Variants in PSTPIP1 observed in about 807,000 individuals in gnomAD.
PSTPIP1 encodes the protein proline-serine-threonine phosphatase interacting protein 1.
PSTPIP1 carries 66 observed loss-of-function variants against 69.6 expected under a neutral mutation model. That is an observed-to-expected ratio of 0.95 (90% CI 0.78 to 1.16). The LOEUF is 1.16. Among genes scored for constraint, PSTPIP1 ranks in the 50% most tolerant of loss-of-function variants. PSTPIP1 has a pLI of 0.00. For synonymous variants in PSTPIP1, 266 were observed against 222.7 expected, an observed-to-expected ratio of 1.19 and a Z score of -1.73; for missense variants, 603 against 557.4, an observed-to-expected ratio of 1.08 and a Z score of -0.82.
chr15:77,009,049 T>G (rs774196031), intron 1 of PSTPIP1, among the ~76,000 whole-genome samples: 13 of 152,148 alleles, frequency 8.5e-5, no homozygotes, highest in African/African-American at 1.2e-4. Flanking sequence ...TGAGCCTTGG[T>G]TCCTTGTTTG....
chr15:77,029,607 G>A, intron 8 of PSTPIP1, 33 bp downstream of exon 8: 2 of 1,555,732 alleles, frequency 1.3e-6, no homozygotes, highest in African/African-American at 2.7e-5. Flanking sequence ...TCCGACCAGG[G>A]CGGAGGCCTG....
intron 13 of PSTPIP1, 86 bp downstream of exon 13, chr15:77,035,649 A>G: frequency 6.7e-7 from 1 of 1,487,446 alleles, no homozygotes; most frequent in South Asian, 1.2e-5. Context: ...GGGGCCACTG[A>G]GGCCCTCAAG....
rs1448128361 is a variant in PSTPIP1 at position 76,995,198 on chromosome 15, C to T, written c.-376C>T. The T allele has an allele frequency of 1.7e-6, 2 of 1,207,502 alleles. No homozygotes were observed. Among genetic ancestry groups the T allele is most frequent in the East Asian group, 5.0e-5 (1 of 19,952 alleles). 74.8% of individuals were successfully genotyped at this position (1,207,502 alleles called of 1,614,324 possible). On this transcript the variant is annotated 5_prime_UTR_variant, in exon 1 of 15. Coordinates refer to ENST00000558012, the MANE Select transcript of PSTPIP1 (RefSeq NM_003978.5). ...GCCCGGCCCGAGCTCCAGCCTGCCTCTTCCACTGGCCACTGCCTCCCACCC... is the reference window on the plus strand; with the variant it reads ...GCCCGGCCCGAGCTCCAGCCTGCCTTTTCCACTGGCCACTGCCTCCCACCC...
chr15:77,002,548 T>G (rs187002966), intron 1 of PSTPIP1, among the ~76,000 whole-genome samples: 1 of 152,214 alleles, frequency 6.6e-6, no homozygotes, highest in Admixed American at 6.5e-5. Context: ...ACATGCTCGG[T>G]GCATATTTTG....
rs940209466 is a variant in PSTPIP1 at position 76,995,383 on chromosome 15, T to C, written c.-191T>C. The C allele has an allele frequency of 6.9e-7, 1 of 1,442,686 alleles. No individual in the cohort carries two copies. Among genetic ancestry groups the C allele is most frequent in the African/African-American group, 1.4e-5 (1 of 69,800 alleles). 89.4% of individuals were successfully genotyped at this position (1,442,686 alleles called of 1,614,324 possible). A position where few individuals can be genotyped will look rare whatever the true frequency, so the allele number is the denominator to read the frequency against. Reference sequence around the variant, plus strand: ...TGATTCTAGCCCCAAACAAAACAGGTTGAGCTTTTTCCTCCCCTCAGAAGC... The same window carrying C: ...TGATTCTAGCCCCAAACAAAACAGGCTGAGCTTTTTCCTCCCCTCAGAAGC... On this transcript the variant is annotated 5_prime_UTR_variant, in exon 1 of 15. Coordinates refer to ENST00000558012, the MANE Select transcript of PSTPIP1 (RefSeq NM_003978.5).
At chr15:77,028,434 C>A (rs1214824854) in intron 6 of PSTPIP1, 120 bp from the exon 7 acceptor site, 2 of 779,372 alleles carry the variant, frequency 2.6e-6, no homozygotes, top group East Asian at 5.8e-5. Flanking sequence ...GTGAGGATGC[C>A]CCCACTCCAC....
Position 77,035,526 on chromosome 15 carries a change from C to A in PSTPIP1, c.948C>A (p.His316Gln). 1 of 1,592,670 alleles carries A rather than the reference C, an allele frequency of 6.3e-7. No homozygotes were observed. The highest frequency in any genetic ancestry group is 8.5e-7 in the Non-Finnish European group (1 of 1,170,058). Residue 316 changes from histidine to glutamine, a missense_variant, in exon 13 of 15, where the codon CAC becomes CAA. Physicochemically the swap from His to Gln is conservative, Grantham distance 24 (BLOSUM62 0). Transcript: ENST00000558012. ...TTCCCAGGTTCTCTGGACTGCTGCA[C>A]GGAAGTCCCAAGACCACTTCGTTGG... ...GMIKRFSGLL[H>Q]GSPKTTSLAA... is the part of the protein sequence containing the mutation.
chr15:77,016,568 CA>C (rs1412503673), intron 1 of PSTPIP1, among the ~76,000 whole-genome samples: 1 of 152,130 alleles, frequency 6.6e-6, no homozygotes, highest in Non-Finnish European at 1.5e-5. Flanking sequence ...GCTCTGTGGA[CA>C]GCTGAGCCTG....
intron 11 of PSTPIP1, 36 bp from the exon 12 acceptor site, chr15:77,032,826 G>C (rs1177211834): frequency 6.5e-7 from 1 of 1,530,022 alleles, no homozygotes; most frequent in African/African-American, 1.4e-5. Context: ...TGGGGTGTTG[G>C]GGGCCGCCCT....
At chr15:77,011,856 T>A (rs2075941037) in intron 1 of PSTPIP1, among the ~76,000 whole-genome samples, 1 of 152,114 alleles carries the variant, frequency 6.6e-6, no homozygotes, top group African/African-American at 2.4e-5. Context: ...CTACAGCCAT[T>A]CAGGCTCCTG....
chr15:77,030,661 G>A (rs2076392712), intron 9 of PSTPIP1, 80 bp downstream of exon 9: 1 of 1,364,188 alleles, frequency 7.3e-7, no homozygotes, highest in Middle Eastern at 1.9e-4. Context: ...GCTTAAAGGG[G>A]CCCAAGTGAG....
At chr15:77,010,206 G>A (rs2152671927) in intron 1 of PSTPIP1, among the ~76,000 whole-genome samples, 1 of 152,346 alleles carries the variant, frequency 6.6e-6, no homozygotes, top group Non-Finnish European at 1.5e-5. Flanking sequence ...CAGCTTGGCA[G>A]GGGCGGTACA....
intron 12 of PSTPIP1, among the ~76,000 whole-genome samples, chr15:77,034,702 C>T (rs1596136106): frequency 6.6e-6 from 1 of 152,236 alleles, no homozygotes; most frequent in African/African-American, 2.4e-5. Flanking sequence ...TAAAGCTTCA[C>T]TCATCTTTGA....
rs750616270 is a variant in PSTPIP1 at position 77,032,896 on chromosome 15, G to T, written c.873G>T (p.Glu291Asp). 5 of 1,603,724 alleles carry T rather than the reference G, an allele frequency of 3.1e-6. No homozygotes were observed. The Admixed American group carries it at 8.5e-5, about 27-fold the overall frequency. ...CCTACCAGAACTATTACGATCGGGA[G>T]GTCACCCCGCTGACCAGCAGCCCTG... The part of the protein sequence containing the change: ...PVPYQNYYDR[E>D]VTPLTSSPGI... The change falls in exon 12 of 15, where the codon GAG (glutamate) becomes GAT (aspartate). Residue 291 changes from glutamate to aspartate, a missense_variant. Physicochemically the swap from Glu to Asp is conservative, Grantham distance 45. Transcript: ENST00000558012.
intron 3 of PSTPIP1, among the ~76,000 whole-genome samples, chr15:77,023,135 G>C (rs369895864): frequency 6.6e-6 from 1 of 152,250 alleles, no homozygotes; most frequent in African/African-American, 2.4e-5. Context: ...ACCATGAACC[G>C]GGGTGGCCCA....
At position 77,018,234 on chromosome 15, in the gene PSTPIP1, G is replaced by A. The variant is rs766141606; in HGVS notation, c.123G>A (p.Glu41=). The A allele has an allele frequency of 2.2e-5, 34 of 1,581,020 alleles. No individual in the cohort carries two copies. The highest frequency in any genetic ancestry group is 3.7e-5 in the Admixed American group (2 of 54,446). ...DGRKMCKDME[E]LLRQRAQAEE... ...GGAAGATGTGCAAAGACATGGAGGA[G>A]CTACTGAGGCAGAGGTGAGCTGCTG... The change falls in exon 2 of 15, where the codon GAG becomes GAA. Residue 41 remains glutamate, a synonymous_variant. Coordinates refer to ENST00000558012, the MANE Select transcript of PSTPIP1 (RefSeq NM_003978.5).
chr15:77,009,115 T>A (rs2075880692), intron 1 of PSTPIP1, among the ~76,000 whole-genome samples: 1 of 152,164 alleles, frequency 6.6e-6, no homozygotes, highest in Admixed American at 6.5e-5. Context: ...AGTGGAGACA[T>A]GCAGGTTAAT....
At chr15:77,018,934 G>C (rs541765483) in intron 3 of PSTPIP1, among the ~76,000 whole-genome samples, 1 of 152,200 alleles carries the variant, frequency 6.6e-6, no homozygotes, top group African/African-American at 2.4e-5. Flanking sequence ...TCCAGGAGGG[G>C]ACACACCTGG....
Position 77,010,113 on chromosome 15 carries a change from C to T in PSTPIP1, c.37-8035C>T, listed in dbSNP as rs113192593. On this transcript the variant is annotated intron_variant, in intron 1 of 14. Transcript: ENST00000558012. ...TGCATCAGTCACCCCCAAGGGCCCA[C>T]GGCCTCCCTTCCTCACTTGCCCTCA... Among the ~76,000 whole-genome samples the T allele has an allele frequency of 8.1e-3, 1,237 of 152,304 alleles. 10 individuals are homozygous for T. Among genetic ancestry groups the T allele is most frequent in the African/African-American group, 0.028 (1,173 of 41,552 alleles).
Sources: gnomAD v4.1 joint callset for allele counts (sites outside exome capture counted in the v4.1 genomes callset) on GRCh38, gnomAD v4.1.1 for gene constraint, MANE v1.5 for transcripts, NCBI Gene and HGNC (gene_info 2026-07-23, HGNC 2026-07-21) for gene names.